TMPRSS6: variants seen among roughly 807,000 people sequenced by gnomAD.
TMPRSS6 encodes transmembrane serine protease 6.
A neutral mutation model predicts 101.5 loss-of-function variants in TMPRSS6; 67 were observed. The observed-to-expected ratio is 0.66, with a 90% CI of 0.54 to 0.81. The LOEUF is 0.81. TMPRSS6 is among the 30% of genes least tolerant of loss of function. TMPRSS6 has a pLI of 0.00. For synonymous variants in TMPRSS6, 453 were observed against 464.9 expected (o/e 0.97, Z 0.33); for missense variants, 1,034 against 1,088.7 (o/e 0.95, Z 0.71).
At chr22:37,067,751 C>A (rs892048849) in intron 16 of TMPRSS6, among the ~76,000 whole-genome samples, 1 of 94,250 alleles carries the variant, frequency 1.1e-5, no homozygotes, top group African/African-American at 5.1e-5. Context: ...TTTCTTGAAA[C>A]TCCCCGTATG....
rs1601526266 is a variant in TMPRSS6, at chr22:37,073,765, G to C, written c.1442-120C>G. 3 of 754,314 alleles carry C rather than the reference G, an allele frequency of 4.0e-6. No individual in the cohort carries two copies. The East Asian group carries it at 7.4e-5, about 19-fold the overall frequency. 46.7% of individuals were successfully genotyped at this position (754,314 alleles called of 1,614,324 possible). On this transcript the variant is annotated intron_variant, in intron 12 of 17. Transcript: ENST00000676104. ...TTACCAATCACAAATCTCTTTCTCTGCTACTTTATTTTTATGTCTCGCTCT... is the reference window on the plus strand; with the variant it reads ...TTACCAATCACAAATCTCTTTCTCTCCTACTTTATTTTTATGTCTCGCTCT...
rs760628624 is a variant in TMPRSS6, at chr22:37,070,481, C to T, written c.1841+3G>A. 15 of 1,613,350 alleles carry T rather than the reference C, an allele frequency of 9.3e-6. No individual in the cohort carries two copies. The African/African-American group carries it at 1.7e-4, about 19-fold the overall frequency. ...GCCTAGGCCCCCACACCCTCCCGCT[C>T]ACCTGTCCTCCTGGAAGCAGTGGGC... On this transcript the variant is annotated splice_donor_region_variant and intron_variant, in intron 15 of 17. Transcript: ENST00000676104.
intron 6 of TMPRSS6, among the ~76,000 whole-genome samples, chr22:37,095,013 G>A (rs747536598): frequency 5.9e-5 from 9 of 152,206 alleles, no homozygotes; most frequent in East Asian, 1.9e-4. Flanking sequence ...TTGTGGGTCC[G>A]CTTGGAGAAA....
chr22:37,104,641 T>C (rs542337984), intron 1 of TMPRSS6, among the ~76,000 whole-genome samples: 1 of 152,158 alleles, frequency 6.6e-6, no homozygotes, highest in South Asian at 2.1e-4. Context: ...CCTCTTACTA[T>C]ATCCATAAAT....
chr22:37,103,969 C>G lies in TMPRSS6; in HGVS notation c.-1-551G>C, dbSNP rs1054578261. ...TGCCTTCCTTCACAGAGTACCGTCT[C>G]TCTCACCTTTCTGCTCTCAAAGTCT... On this transcript the variant is annotated intron_variant, in intron 1 of 17. Transcript: ENST00000676104. This position sits in a 1 kb window ranked among gnomAD's most constrained non-coding sequence, Gnocchi z 4.4. Among the ~76,000 whole-genome samples, 1 of 152,202 alleles carries G rather than the reference C, an allele frequency of 6.6e-6. No homozygotes were observed. The highest frequency in any genetic ancestry group is 1.5e-5 in the Non-Finnish European group (1 of 68,030).
At chr22:37,102,445 C>CCCACTGT (rs1180413019) in intron 2 of TMPRSS6, among the ~76,000 whole-genome samples, 9 of 152,334 alleles carry the variant, frequency 5.9e-5, no homozygotes, top group Non-Finnish European at 1.0e-4. Flanking sequence ...TCCATTACTT[C>CCCACTGT]CCACTGTCAA....
intron 10 of TMPRSS6, 198 bp downstream of exon 10, chr22:37,084,097 C>T (rs1928475367): frequency 3.2e-6 from 2 of 621,036 alleles, no homozygotes; most frequent in Non-Finnish European, 3.0e-6. Context: ...AGAGGGGAAG[C>T]CGGGGCCAGG....
At chr22:37,067,416 G>A (rs1028851979) in intron 16 of TMPRSS6, among the ~76,000 whole-genome samples, 8 of 152,194 alleles carry the variant, frequency 5.3e-5, no homozygotes, top group Admixed American at 1.3e-4. Flanking sequence ...GATCCGAGCC[G>A]AGATCGCGCC....
At chr22:37,088,953 C>T (rs1475737305) in intron 7 of TMPRSS6, among the ~76,000 whole-genome samples, 2 of 152,212 alleles carry the variant, frequency 1.3e-5, no homozygotes, top group East Asian at 3.8e-4. Context: ...GGGGGTTCCC[C>T]GTCACATCCC....
chr22:37,093,074 C>G (rs959152663), intron 6 of TMPRSS6, among the ~76,000 whole-genome samples: 1 of 152,098 alleles, frequency 6.6e-6, no homozygotes, highest in African/African-American at 2.4e-5. Flanking sequence ...GTGTCCTCAG[C>G]GCAGGAATGG....
Position 37,075,282 on chromosome 22 carries a change from TG to T in TMPRSS6, c.1197-3del, listed in dbSNP as rs1174402543. ...TGCAGGATGCGCAAGCCACACAGCC[TG>T]GGGGGAGTCAGAGACGACTCAGGGC... On this transcript the variant is annotated splice_region_variant and splice_polypyrimidine_tract_variant and intron_variant, in intron 10 of 17. Coordinates refer to ENST00000676104, the MANE Select transcript of TMPRSS6 (RefSeq NM_001374504.1). 3.1e-6 allele frequency: 5 copies of T among 1,613,230 alleles called. No individual in the cohort carries two copies. Among genetic ancestry groups the T allele is most frequent in the Admixed American group, 3.3e-5 (2 of 60,010 alleles).
At chr22:37,108,093 G>A (rs1300964825) in intron 1 of TMPRSS6, among the ~76,000 whole-genome samples, 3 of 152,068 alleles carry the variant, frequency 2.0e-5, no homozygotes, top group Admixed American at 6.6e-5. Context: ...TTTCCCCGTC[G>A]CACCCCAAGG....
rs1032431287 is a variant in TMPRSS6, at chr22:37,070,715, G to A, written c.1673-63C>T. The A allele has an allele frequency of 2.3e-5, 35 of 1,549,776 alleles. No individual in the cohort carries two copies. The Admixed American group carries it at 2.9e-4, about 13-fold the overall frequency. On this transcript the variant is annotated intron_variant, in intron 14 of 17. Coordinates refer to ENST00000676104, the MANE Select transcript of TMPRSS6 (RefSeq NM_001374504.1). The stretch of plus-strand genomic sequence containing the variant: ...GAGGGGAAGGGGAGAAGCAGACAGA[G>A]AGGAAGGGCAAAGGAAAGAGATGGA...
chr22:37,072,257 G>GTTGC (rs1398720990), intron 13 of TMPRSS6, among the ~76,000 whole-genome samples: 1 of 141,008 alleles, frequency 7.1e-6, no homozygotes, highest in African/African-American at 2.8e-5. Context: ...ATGATGGATG[G>GTTGC]ATGGATGATG....
intron 13 of TMPRSS6, among the ~76,000 whole-genome samples, chr22:37,073,308 TG>T (rs1927311086): frequency 6.7e-6 from 1 of 149,572 alleles, no homozygotes; most frequent in Non-Finnish European, 1.5e-5. Context: ...AATGGGTAGC[TG>T]TATGAATCAA....
In TMPRSS6 at chr22:37,066,290, T is replaced by A. The variant is rs1159218304; in HGVS notation, c.2251-52A>T. 1.9e-5 allele frequency: 29 copies of A among 1,522,786 alleles called. No individual in the cohort carries two copies. In the East Asian group the frequency reaches 6.9e-4, roughly 36 times the overall value. The allele number at this position is 1,522,786 out of a possible 1,614,324, so 94.3% of individuals were successfully genotyped here. A position where few individuals can be genotyped will look rare whatever the true frequency, so the allele number is the denominator to read the frequency against. ...GAAGCAGGGTAAGGGCACCCCCTTT[T>A]CCAGGTGAAGAGCCATAGGGATTAA... On this transcript the variant is annotated intron_variant, in intron 17 of 17. Transcript: ENST00000676104.
chr22:37,072,552 G>GATGGATGGATAGACGATGGACA, intron 13 of TMPRSS6, among the ~76,000 whole-genome samples: 1 of 118,942 alleles, frequency 8.4e-6, no homozygotes, highest in Non-Finnish European at 2.0e-5. Flanking sequence ...ATGGATGAAT[G>GATGGATGGATAGACGATGGACA]GATGGATGAT....
At chr22:37,102,364 C>T (rs1930393887) in intron 2 of TMPRSS6, among the ~76,000 whole-genome samples, 1 of 152,196 alleles carries the variant, frequency 6.6e-6, no homozygotes, top group Admixed American at 6.5e-5. Context: ...AGGTGCTTGG[C>T]ACTGAGTAAA....
In TMPRSS6 at chr22:37,096,119, G is replaced by A. The variant is rs190426079; in HGVS notation, c.405-29C>T. ...AGGCAGGCAGAAGTGAGAGAGGCCA[G>A]GGAAGGATTCTGAGGTCTGGCCCCA... is the stretch of plus-strand genomic sequence containing the variant. On this transcript the variant is annotated intron_variant, in intron 4 of 17. Coordinates refer to ENST00000676104, the MANE Select transcript of TMPRSS6 (RefSeq NM_001374504.1). 1.4e-4 allele frequency: 220 copies of A among 1,613,350 alleles called. No individual in the cohort carries two copies. In the East Asian group the frequency reaches 4.7e-3, roughly 34 times the overall value.
Sources: allele counts gnomAD v4.1 joint callset (sites outside exome capture counted in the v4.1 genomes callset), GRCh38; gene constraint gnomAD v4.1.1; non-coding constraint Gnocchi (gnomAD v3.1); transcripts MANE v1.5; gene names NCBI Gene and HGNC (gene_info 2026-07-23, HGNC 2026-07-21).